The following CLCNKA variants were observed in gnomAD, a reference collection of about 807,000 sequenced individuals.
CLCNKA encodes chloride voltage-gated channel Ka, also known as chloride channel protein ClC-Ka.
CLCNKA carries 66 observed loss-of-function variants against 83.3 expected under a neutral mutation model. That is an observed-to-expected ratio of 0.79 (90% CI 0.65 to 0.97). The LOEUF (loss-of-function observed/expected upper bound fraction) is 0.97. Among genes scored for constraint, CLCNKA ranks in the 50% least tolerant of loss-of-function variants. CLCNKA has a pLI of 0.00. For missense variants in CLCNKA, 806 were observed against 888.7 expected (o/e 0.91, Z 1.18); for synonymous variants, 357 against 370.4 (o/e 0.96, Z 0.42).
At position 16,026,690 on chromosome 1, in the gene CLCNKA, C is replaced by G; in HGVS notation, c.577-7C>G. 6.2e-7 allele frequency: 1 copy of G among 1,613,634 alleles called. No homozygotes were observed. The highest frequency in any genetic ancestry group is 1.1e-5 in the South Asian group (1 of 91,062). ...CTGACTCTGAGCCCTGGACTCGGAT[C>G]CCCCAGAACAAGAGCAAGCAAAACG... is the stretch of plus-strand genomic sequence containing the variant. On this transcript the variant is annotated splice_polypyrimidine_tract_variant and splice_region_variant and intron_variant, in intron 6 of 19. Transcript: ENST00000331433.
At chr1:16,027,168 T>G (rs1570301665) in intron 7 of CLCNKA, 142 bp from the exon 8 acceptor site, 5 of 1,251,340 alleles carry the variant, frequency 4.0e-6, no homozygotes, top group African/African-American at 1.5e-5. Context: ...GCGCAAGCCC[T>G]GCCCTCCCCT....
chr1:16,030,318 G>C lies in CLCNKA; in HGVS notation c.1409-143G>C, dbSNP rs1284453023. 9.3e-6 allele frequency: 10 copies of C among 1,072,534 alleles called. No homozygotes were observed. In the East Asian group the frequency reaches 2.3e-4, roughly 25 times the overall value. 66.4% of individuals were successfully genotyped at this position (1,072,534 alleles called of 1,614,324 possible). ...TCTCCTCTCACCAAGCCCAGGCCTT[G>C]GGGCACTTCCCACAGTGCCCAGGCT... On this transcript the variant is annotated intron_variant, in intron 14 of 19. Transcript: ENST00000331433.
intron 3 of CLCNKA, 83 bp downstream of exon 3, chr1:16,024,011 G>A: frequency 1.3e-6 from 2 of 1,554,502 alleles, no homozygotes; most frequent in Non-Finnish European, 1.8e-6. Context: ...ACCAAGTGCA[G>A]CGGTGCAGGG....
In CLCNKA at chr1:16,033,321, G is replaced by A. The variant is rs184396947; in HGVS notation, c.2016+65G>A. 2.9e-3 allele frequency: 4,489 copies of A among 1,533,702 alleles called. 24 individuals are homozygous for A. The highest frequency in any genetic ancestry group is 8.9e-3 in the Middle Eastern group (52 of 5,858). ...TGCCTGAGAAGGCTGGGGAGATGGG[G>A]AGGTGGGGGGACACCAGCATGCTCC... On this transcript the variant is annotated intron_variant, in intron 19 of 19. Coordinates refer to ENST00000331433, the MANE Select transcript of CLCNKA (RefSeq NM_004070.4).
intron 14 of CLCNKA, 33 bp from the exon 15 acceptor site, chr1:16,030,428 C>T (rs779199327): frequency 6.2e-7 from 1 of 1,610,870 alleles, no homozygotes; most frequent in East Asian, 2.2e-5. Context: ...TGCCTCCTGG[C>T]CTGAGCCGAC....
At chr1:16,032,995 A>T (rs2022694387) in intron 18 of CLCNKA, among the ~76,000 whole-genome samples, 175 bp from the exon 19 acceptor site, 1 of 152,116 alleles carries the variant, frequency 6.6e-6, no homozygotes, top group Non-Finnish European at 1.5e-5. Context: ...CAGACCCTTG[A>T]GTGGCCTCTG....
chr1:16,030,381 A>C, intron 14 of CLCNKA, 80 bp from the exon 15 acceptor site: 1 of 1,546,838 alleles, frequency 6.5e-7, no homozygotes, highest in Non-Finnish European at 8.9e-7. Flanking sequence ...CCCCGGCAGC[A>C]GCCAGGCTAG....
intron 19 of CLCNKA, 132 bp from the exon 20 acceptor site, chr1:16,033,479 A>G: frequency 2.1e-6 from 2 of 943,100 alleles, no homozygotes; most frequent in South Asian, 2.8e-5. Flanking sequence ...CAGTGATCCC[A>G]TCTGTGCAAT....
In CLCNKA at chr1:16,032,211, A is replaced by T; in HGVS notation, c.1765A>T (p.Ile589Phe). 1.2e-6 allele frequency: 2 copies of T among 1,612,104 alleles called. No individual in the cohort carries two copies. Among genetic ancestry groups the T allele is most frequent in the Non-Finnish European group, 1.7e-6 (2 of 1,179,614 alleles). The change falls in exon 17 of 20, where the codon ATC becomes TTC. Residue 589 changes from isoleucine to phenylalanine, a missense_variant. Transcript: ENST00000331433. ...CCCTCTCTACTTGCCAGAGTCCCAGATCCTGGTAGGCATCGTGCAGAGGGC... is the reference window on the plus strand; with the variant it reads ...CCCTCTCTACTTGCCAGAGTCCCAGTTCCTGGTAGGCATCGTGCAGAGGGC... ...YPLVESTESQILVGIVQRAQL... is the reference protein window; with the variant it reads ...YPLVESTESQFLVGIVQRAQL...
rs776429454 is a variant in CLCNKA at position 16,028,038 on chromosome 1, G to A, written c.887G>A (p.Ser296Asn). ...VALGGICGVL[S>N]CAYLFCQRTF... ...CGCAGTGGCATCTGCGGCGTCCTGA[G>A]CTGTGCTTACCTCTTCTGTCAGCGA... The change falls in exon 10 of 20, where the codon AGC becomes AAC. Residue 296 changes from serine to asparagine, a missense_variant. Physicochemically the swap from Ser to Asn is conservative, Grantham distance 46 (BLOSUM62 1). Transcript: ENST00000331433. The A allele has an allele frequency of 9.3e-6, 15 of 1,613,734 alleles. No individual in the cohort carries two copies. Among genetic ancestry groups the A allele is most frequent in the African/African-American group, 1.3e-5 (1 of 74,892 alleles).
At chr1:16,028,567 G>A in intron 10 of CLCNKA, 194 bp from the exon 11 acceptor site, 1 of 726,374 alleles carries the variant, frequency 1.4e-6, no homozygotes, top group Non-Finnish European at 2.5e-6. Flanking sequence ...ACCCAGTTGA[G>A]GGGCTCACCC....
chr1:16,032,361 C>T (rs1297391542), intron 17 of CLCNKA, 70 bp downstream of exon 17: 12 of 1,547,614 alleles, frequency 7.8e-6, no homozygotes, highest in African/African-American at 1.4e-5. Flanking sequence ...GAGGGACCCG[C>T]TGATCTCCTG....
At chr1:16,026,669 C>T (rs1369816732) in intron 6 of CLCNKA, 28 bp from the exon 7 acceptor site, 16 of 1,613,512 alleles carry the variant, frequency 9.9e-6, no homozygotes, top group Non-Finnish European at 1.3e-5. Flanking sequence ...AGGGGGCTGA[C>T]TCTGAGCCCT....
In CLCNKA at chr1:16,029,811, G is replaced by T. The variant is rs778253967; in HGVS notation, c.1297+11G>T. 2 of 1,614,118 alleles carry T rather than the reference G, an allele frequency of 1.2e-6. No individual in the cohort carries two copies. Among genetic ancestry groups the T allele is most frequent in the South Asian group, 1.1e-5 (1 of 91,082 alleles). On this transcript the variant is annotated intron_variant, in intron 13 of 19. Transcript: ENST00000331433. ...CCATCTTTATCCTTGGTGAGTCTGG[G>T]GTCCTGAGGTTCTGAGAGTTTTGGG...
chr1:16,022,453 C>T (rs916500600), intron 1 of CLCNKA, among the ~76,000 whole-genome samples, 160 bp from the exon 2 acceptor site: 1 of 152,150 alleles, frequency 6.6e-6, no homozygotes, highest in Non-Finnish European at 1.5e-5. Flanking sequence ...AGTGACGGAA[C>T]CTCAGGGATG....
chr1:16,025,761 C>T lies in CLCNKA; in HGVS notation c.359-347C>T, dbSNP rs111916213. Among the ~76,000 whole-genome samples, 1,014 of 151,754 alleles carry T rather than the reference C, an allele frequency of 6.7e-3. 21 individuals are homozygous for T. Among genetic ancestry groups the T allele is most frequent in the African/African-American group, 0.023 (962 of 41,410 alleles). On this transcript the variant is annotated intron_variant, in intron 4 of 19. Transcript: ENST00000331433. ...TGAGAGTTTTTTTTGTTTGTTTGTTCGTTTGTTTTTGAGATGGAGTTTCAC... is the reference window on the plus strand; with the variant it reads ...TGAGAGTTTTTTTTGTTTGTTTGTTTGTTTGTTTTTGAGATGGAGTTTCAC...
rs369441598 is a variant in CLCNKA, at chr1:16,028,756, C to T, written c.969-5C>T. 2.5e-5 allele frequency: 41 copies of T among 1,614,114 alleles called. No homozygotes were observed. The highest frequency in any genetic ancestry group is 3.1e-5 in the Non-Finnish European group (36 of 1,180,010). On this transcript the variant is annotated splice_region_variant and splice_polypyrimidine_tract_variant and intron_variant, in intron 10 of 19. Transcript: ENST00000331433. Reference sequence around the variant, plus strand: ...CCAGCCCTAGAGCTCACCCACCCCCCACAGCAAGCCTGTGTACTCCGCTCT... The same window carrying T: ...CCAGCCCTAGAGCTCACCCACCCCCTACAGCAAGCCTGTGTACTCCGCTCT...
chr1:16,023,955 C>G, intron 3 of CLCNKA, 27 bp downstream of exon 3: 1 of 1,613,446 alleles, frequency 6.2e-7, no homozygotes, highest in South Asian at 1.1e-5. Flanking sequence ...AGGTGCTGCT[C>G]TGGGCCAAGG....
chr1:16,027,717 G>C, intron 8 of CLCNKA, 104 bp from the exon 9 acceptor site: 1 of 1,489,388 alleles, frequency 6.7e-7, no homozygotes, highest in Non-Finnish European at 9.2e-7. Context: ...CACAGATTCC[G>C]AGTCAGGACC....
Sources: allele counts gnomAD v4.1 joint callset (sites outside exome capture counted in the v4.1 genomes callset), GRCh38; gene constraint gnomAD v4.1.1; transcripts MANE v1.5; gene names NCBI Gene and HGNC (gene_info 2026-07-23, HGNC 2026-07-21).